SLC22A15: variants seen among roughly 807,000 people sequenced by gnomAD.
SLC22A15 encodes the protein flipt 1.
A neutral mutation model predicts 62.7 loss-of-function variants in SLC22A15; 45 were observed. The ratio of observed to expected loss-of-function variants is 0.72; its 90% confidence interval spans 0.56 to 0.92. The LOEUF (loss-of-function observed/expected upper bound fraction) is 0.92, where lower values mean the gene tolerates loss of function less well. Among genes scored for constraint, SLC22A15 ranks in the 40% least tolerant of loss-of-function variants. The pLI is 0.00. For synonymous variants in SLC22A15, 264 were observed against 267.0 expected (o/e 0.99, Z 0.11); for missense variants, 622 against 665.6 (o/e 0.93, Z 0.72).
Position 116,064,439 on chromosome 1 carries a change from T to C in SLC22A15, c.1296T>C (p.Asn432=). The C allele has an allele frequency of 6.2e-7, 1 of 1,612,340 alleles. No individual in the cohort carries two copies. Among genetic ancestry groups the C allele is most frequent in the Non-Finnish European group, 8.5e-7 (1 of 1,178,482 alleles). Residue 432 remains asparagine (N), a synonymous_variant, in exon 10 of 12, where the codon AAT becomes AAC. Coordinates refer to ENST00000369503, the MANE Select transcript of SLC22A15 (RefSeq NM_018420.3). The part of the protein sequence containing the change: ...TSELYPTVIR[N]VGLGTCSMFS... ...TATTTTTACTTATGCTTTTCAGGAA[T>C]GTTGGGCTTGGAACTTGTTCCATGT...
intron 5 of SLC22A15, among the ~76,000 whole-genome samples, chr1:116,027,629 G>GTT (rs367849858): frequency 6.2e-5 from 9 of 145,572 alleles, no homozygotes; most frequent in Non-Finnish European, 1.5e-5. Context: ...TTCCCCAGAA[G>GTT]TTTTTTTTTT....
chr1:115,993,909 T>C (rs2488448), intron 2 of SLC22A15, among the ~76,000 whole-genome samples: 151,883 of 152,254 alleles, frequency 1, 75,758 homozygotes, highest in Non-Finnish European at 1. Context: ...TAACCTATTA[T>C]TGTCAGGAAA....
chr1:116,054,310 G>A (rs1322147988), intron 8 of SLC22A15, among the ~76,000 whole-genome samples: 1 of 151,608 alleles, frequency 6.6e-6, no homozygotes, highest in African/African-American at 2.4e-5. Context: ...GACAAAGAAG[G>A]CCATTACATA....
At chr1:116,059,570 C>T (rs922643122) in intron 8 of SLC22A15, among the ~76,000 whole-genome samples, 4 of 152,132 alleles carry the variant, frequency 2.6e-5, no homozygotes, top group African/African-American at 7.2e-5. Context: ...ATTGTGAAAT[C>T]CTTGAAAAGG....
intron 1 of SLC22A15, among the ~76,000 whole-genome samples, chr1:115,990,562 T>C (rs565839374): frequency 6.6e-6 from 1 of 152,266 alleles, no homozygotes; most frequent in East Asian, 1.9e-4. Flanking sequence ...TCTGTAACAG[T>C]ATGCAAATAG....
rs1041863380 is a variant in SLC22A15 at position 116,069,826 on chromosome 1, A to G, written c.*2718A>G. 34 of 152,226 alleles carry G rather than the reference A, an allele frequency of 2.2e-4. No individual in the cohort carries two copies. The highest frequency in any genetic ancestry group is 1.5e-5 in the Non-Finnish European group (1 of 68,042). The allele number at this position is 152,226 out of a possible 1,614,324, so 9.4% of individuals were successfully genotyped here. On this transcript the variant is annotated 3_prime_UTR_variant, in exon 12 of 12. Coordinates refer to ENST00000369503, the MANE Select transcript of SLC22A15 (RefSeq NM_018420.3). ...AGATATTTTTATGGTGGGCAAATTGATGAAGATACTTTTAGTAGGTGATTT... is the reference window on the plus strand; with the variant it reads ...AGATATTTTTATGGTGGGCAAATTGGTGAAGATACTTTTAGTAGGTGATTT...
intron 6 of SLC22A15, chr1:116,032,196 A>T (rs1657438413): frequency 1.0e-6 from 1 of 985,184 alleles, no homozygotes; most frequent in African/African-American, 1.7e-5. Flanking sequence ...GCTTATTCCC[A>T]CCTACCTTTC....
intron 2 of SLC22A15, among the ~76,000 whole-genome samples, chr1:116,012,476 A>G (rs1656319941): frequency 2.6e-5 from 4 of 152,256 alleles, no homozygotes; most frequent in Admixed American, 1.3e-4. Context: ...GGGAAGGATA[A>G]TAATAACAGC....
At chr1:116,042,727 A>T (rs906298732) in intron 8 of SLC22A15, among the ~76,000 whole-genome samples, 14 of 152,232 alleles carry the variant, frequency 9.2e-5, no homozygotes, top group African/African-American at 3.1e-4. Flanking sequence ...TTGAAAGGCG[A>T]AATAGACAAA....
At chr1:116,038,892 C>T (rs960712485) in intron 8 of SLC22A15, among the ~76,000 whole-genome samples, 1 of 152,088 alleles carries the variant, frequency 6.6e-6, no homozygotes, top group Non-Finnish European at 1.5e-5. Context: ...CTTCATAAGC[C>T]AGGCCAATTA....
chr1:116,036,842 A>G (rs1462990596), intron 7 of SLC22A15, among the ~76,000 whole-genome samples: 1 of 152,228 alleles, frequency 6.6e-6, no homozygotes, highest in Non-Finnish European at 1.5e-5. Context: ...GAGACTTAAG[A>G]AAAATGCCAA....
intron 5 of SLC22A15, among the ~76,000 whole-genome samples, chr1:116,028,537 TTTTTTTTTTTTA>T (rs1421645839): frequency 1.7e-5 from 2 of 116,738 alleles, no homozygotes; most frequent in African/African-American, 6.3e-5. Context: ...TTTTTTTTTT[TTTTTTTTTTTTA>T]AAATATATAG....
intron 8 of SLC22A15, among the ~76,000 whole-genome samples, chr1:116,062,108 C>CT (rs1424371594): frequency 6.6e-6 from 1 of 152,126 alleles, no homozygotes; most frequent in Middle Eastern, 3.2e-3. Flanking sequence ...ACTCGGGAGA[C>CT]TGAGGCAGGA....
intron 2 of SLC22A15, among the ~76,000 whole-genome samples, chr1:116,011,572 C>T (rs1020405323): frequency 6.6e-6 from 1 of 152,168 alleles, no homozygotes; most frequent in Non-Finnish European, 1.5e-5. Context: ...CTGACAGACA[C>T]TGTAAGTTTA....
At chr1:115,992,683 G>A (rs574416348) in intron 2 of SLC22A15, among the ~76,000 whole-genome samples, 6 of 148,570 alleles carry the variant, frequency 4.0e-5, no homozygotes, top group East Asian at 3.9e-4. Flanking sequence ...GTGCAGTGGC[G>A]CAATCTCGGC....
At chr1:116,021,828 C>A (rs1177215933) in intron 4 of SLC22A15, among the ~76,000 whole-genome samples, 3 of 152,196 alleles carry the variant, frequency 2.0e-5, no homozygotes, top group African/African-American at 7.2e-5. Context: ...CTGTTTTCAG[C>A]AGCTGATAAC....
intron 3 of SLC22A15, 112 bp downstream of exon 3, chr1:116,019,826 A>G (rs1656729301): frequency 8.5e-7 from 1 of 1,172,606 alleles, no homozygotes; most frequent in Non-Finnish European, 1.2e-6. Context: ...TGGCATATGG[A>G]CACAGAACTG....
At chr1:116,060,205 T>C (rs1333994676) in intron 8 of SLC22A15, among the ~76,000 whole-genome samples, 1 of 152,310 alleles carries the variant, frequency 6.6e-6, no homozygotes, top group South Asian at 2.1e-4. Flanking sequence ...AATTTTCTCA[T>C]AACCAAAACT....
Position 116,031,481 on chromosome 1 carries a change from A to G in SLC22A15, c.844A>G (p.Thr282Ala), listed in dbSNP as rs1657391885. 6.2e-7 allele frequency: 1 copy of G among 1,613,908 alleles called. No homozygotes were observed. The highest frequency in any genetic ancestry group is 8.5e-7 in the Non-Finnish European group (1 of 1,179,900). ...NRKLKCTFSL[T>A]HPANRSCRET... ...CAAACTCAAGTGCACGTTCTCACTAACACACCCAGCCAACAGGAGCTGCAG... is the reference window on the plus strand; with the variant it reads ...CAAACTCAAGTGCACGTTCTCACTAGCACACCCAGCCAACAGGAGCTGCAG... Residue 282 changes from threonine to alanine, a missense_variant, in exon 6 of 12, where the codon ACA (threonine) becomes GCA (alanine). Transcript: ENST00000369503.
Sources: allele counts gnomAD v4.1 joint callset (sites outside exome capture counted in the v4.1 genomes callset), GRCh38; gene constraint gnomAD v4.1.1; transcripts MANE v1.5; gene names NCBI Gene and HGNC (gene_info 2026-07-23, HGNC 2026-07-21).